The following RANBP10 variants were observed in gnomAD, a reference collection of about 807,000 sequenced individuals.
RANBP10 encodes RAN binding protein 10.
RANBP10 carries 24 observed loss-of-function variants against 72.8 expected under a neutral mutation model. That is an observed-to-expected ratio of 0.33 (90% CI 0.24 to 0.46). The LOEUF is 0.46. Among genes scored for constraint, RANBP10 ranks in the 20% least tolerant of loss-of-function variants. The pLI is 1.00. For synonymous variants in RANBP10, 310 were observed against 322.3 expected, an observed-to-expected ratio of 0.96 and a Z score of 0.41; for missense variants, 679 against 817.5, an observed-to-expected ratio of 0.83 and a Z score of 2.07.
intron 3 of RANBP10, among the ~76,000 whole-genome samples, chr16:67,753,755 T>C (rs1012024284): frequency 6.6e-6 from 1 of 151,884 alleles, no homozygotes; most frequent in Non-Finnish European, 1.5e-5. Flanking sequence ...ACTCGCCAGG[T>C]GTGGGTGCAG....
Position 67,803,532 on chromosome 16 carries a change from C to T in RANBP10, c.347+1896G>A, listed in dbSNP as rs192444739. 4.5e-3 allele frequency among the ~76,000 whole-genome samples: 682 copies of T among 151,756 alleles called. 7 individuals are homozygous for T. Among genetic ancestry groups the T allele is most frequent in the African/African-American group, 0.016 (650 of 41,370 alleles). ...TGGTGTGGTGGCACATGCCTGTAAG[C>T]CCAGCTACTCAGGAGGCTGAGGCAG... On this transcript the variant is annotated intron_variant, in intron 2 of 13. Transcript: ENST00000317506.
chr16:67,730,042 GA>G lies in RANBP10; in HGVS notation c.893del (p.Ile298ThrfsTer44). ...EQASIKNRQKIQKLVLEGRVG... is the reference protein window; with the variant it reads ...EQASIKNRQKXQKLVLEGRVG... ...CACGGCCCTCCAGCACCAGCTTCTG[GA>G]TCTCTGCAGGGTGCAAGAACACAGC... On this transcript the variant is annotated frameshift_variant, in exon 8 of 14. Transcript: ENST00000317506. LOFTEE classifies it high-confidence loss of function. This position sits in a 1 kb window ranked among gnomAD's most constrained non-coding sequence, Gnocchi z 4.3. 1 of 1,611,818 alleles carries G rather than the reference GA, an allele frequency of 6.2e-7. No homozygotes were observed. The highest frequency in any genetic ancestry group is 8.5e-7 in the Non-Finnish European group (1 of 1,179,970).
chr16:67,795,950 T>A (rs2055125162), intron 2 of RANBP10, among the ~76,000 whole-genome samples: 1 of 146,510 alleles, frequency 6.8e-6, no homozygotes, highest in Non-Finnish European at 1.5e-5. Context: ...AGAGCCTTAC[T>A]CTGTTGCCCA....
rs373525904 is a variant in RANBP10, at chr16:67,727,310, T to A, written c.1732+17A>T. 90 of 1,594,684 alleles carry A rather than the reference T, an allele frequency of 5.6e-5. No homozygotes were observed. Among genetic ancestry groups the A allele is most frequent in the Non-Finnish European group, 7.4e-5 (87 of 1,169,536 alleles). The stretch of plus-strand genomic sequence containing the variant: ...CAGACTCTGTCTCTAATAATAATAA[T>A]AAATAGATTCACTCACCTAAAATGG... On this transcript the variant is annotated intron_variant, in intron 13 of 13. Transcript: ENST00000317506.
At chr16:67,788,029 G>C (rs868582408) in intron 2 of RANBP10, among the ~76,000 whole-genome samples, 4 of 152,146 alleles carry the variant, frequency 2.6e-5, no homozygotes, top group Non-Finnish European at 5.9e-5. Context: ...AGTAGAGACT[G>C]GGTTTCACCA....
At chr16:67,728,684 A>G in intron 10 of RANBP10, 173 bp from the exon 11 acceptor site, 2 of 1,225,574 alleles carry the variant, frequency 1.6e-6, no homozygotes, top group Non-Finnish European at 2.2e-6. Flanking sequence ...CTACTGTGAC[A>G]CCAGCTATCC....
intron 3 of RANBP10, among the ~76,000 whole-genome samples, chr16:67,763,963 C>T (rs1404351676): frequency 1.3e-5 from 2 of 152,190 alleles, no homozygotes; most frequent in African/African-American, 2.4e-5. Flanking sequence ...GCCCAAAGTG[C>T]TGGGATTACA....
At chr16:67,780,248 A>T (rs958367833) in intron 2 of RANBP10, among the ~76,000 whole-genome samples, 7 of 151,556 alleles carry the variant, frequency 4.6e-5, no homozygotes, top group Admixed American at 3.3e-4. Context: ...AAACAAACAA[A>T]CAAAAAAACA....
intron 3 of RANBP10, among the ~76,000 whole-genome samples, chr16:67,753,589 G>A (rs1196730095): frequency 6.6e-6 from 1 of 152,182 alleles, no homozygotes; most frequent in Non-Finnish European, 1.5e-5. Flanking sequence ...TTGCTGAGAG[G>A]GTGACTCCTG....
intron 4 of RANBP10, chr16:67,744,068 A>G (rs2054020691): frequency 4.7e-5 from 46 of 982,014 alleles, no homozygotes; most frequent in Non-Finnish European, 5.4e-5. Flanking sequence ...CTGTACTCTC[A>G]GCATCCTCCC....
intron 3 of RANBP10, among the ~76,000 whole-genome samples, chr16:67,767,722 G>A (rs985040987): frequency 3.3e-5 from 5 of 151,894 alleles, no homozygotes; most frequent in African/African-American, 7.3e-5. Flanking sequence ...TCAGCCTCTC[G>A]AGTAGCTGGG....
intron 2 of RANBP10, among the ~76,000 whole-genome samples, chr16:67,802,398 G>A (rs117200799): frequency 2.0e-5 from 3 of 152,180 alleles, no homozygotes; most frequent in Non-Finnish European, 4.4e-5. Flanking sequence ...AGCACTTTGG[G>A]AGACTGACGC....
chr16:67,726,086 C>A lies in RANBP10; in HGVS notation c.*342G>T. 1 of 266,092 alleles carries A rather than the reference C, an allele frequency of 3.8e-6. No homozygotes were observed. Among genetic ancestry groups the A allele is most frequent in the Non-Finnish European group, 7.4e-6 (1 of 134,650 alleles). The allele number at this position is 266,092 out of a possible 1,614,324, so 16.5% of individuals were successfully genotyped here. ...AGAAACCAGCTCAGCACAAACTCTC[C>A]AGAGATAAATACTGGTGGCTCAGTC... On this transcript the variant is annotated 3_prime_UTR_variant, in exon 14 of 14. Transcript: ENST00000317506.
chr16:67,732,753 A>G (rs2053758336), intron 6 of RANBP10, among the ~76,000 whole-genome samples: 1 of 152,024 alleles, frequency 6.6e-6, no homozygotes, highest in Non-Finnish European at 1.5e-5. Flanking sequence ...TCTCATCTCT[A>G]CTTTAAAAAT....
At chr16:67,744,097 C>T in intron 4 of RANBP10, 191 bp downstream of exon 4, 1 of 985,446 alleles carries the variant, frequency 1.0e-6, no homozygotes, top group Non-Finnish European at 1.2e-6. Context: ...ATAAACGCAG[C>T]TGACTGGCTG....
chr16:67,778,700 G>C (rs1244697567), intron 2 of RANBP10, among the ~76,000 whole-genome samples: 2 of 152,004 alleles, frequency 1.3e-5, no homozygotes, highest in African/African-American at 4.8e-5. Context: ...AATGAGAGTG[G>C]CAAAGGCCTT....
intron 3 of RANBP10, among the ~76,000 whole-genome samples, chr16:67,752,508 G>A (rs2054215448): frequency 6.6e-6 from 1 of 152,174 alleles, no homozygotes; most frequent in Admixed American, 6.5e-5. Flanking sequence ...CATTGTTACA[G>A]TAGCAACAGG....
intron 13 of RANBP10, among the ~76,000 whole-genome samples, chr16:67,726,983 G>C (rs570402733): frequency 6.6e-6 from 1 of 152,292 alleles, no homozygotes; most frequent in Admixed American, 6.5e-5. Flanking sequence ...CTATGGGCTA[G>C]CTTCTGTTTT....
intron 2 of RANBP10, among the ~76,000 whole-genome samples, chr16:67,803,787 C>T (rs1597933237): frequency 6.8e-6 from 1 of 148,044 alleles, no homozygotes; most frequent in East Asian, 2.0e-4. Flanking sequence ...GTGATCTTGC[C>T]ACTGCACTTC....
Sources: gnomAD v4.1 joint callset for allele counts (sites outside exome capture counted in the v4.1 genomes callset) on GRCh38, gnomAD v4.1.1 for gene constraint, Gnocchi (gnomAD v3.1) non-coding constraint, MANE v1.5 for transcripts, NCBI Gene and HGNC (gene_info 2026-07-23, HGNC 2026-07-21) for gene names.